Variants in SBF2 observed in about 807,000 individuals in gnomAD.
SBF2 encodes SET binding factor 2.
In SBF2, 112 loss-of-function variants were observed where a neutral mutation model predicts 225.2. That is an observed-to-expected ratio of 0.50 (90% confidence interval 0.43 to 0.58). The LOEUF is 0.58. SBF2 is among the 20% of genes least tolerant of loss of function. SBF2 has a pLI of 0.00. For missense variants in SBF2, 1,996 were observed against 2,206.2 expected (o/e 0.90, Z 1.91); for synonymous variants, 763 against 773.3 (o/e 0.99, Z 0.22).
chr11:10,094,775 G>T (rs1418088251), intron 2 of SBF2, among the ~76,000 whole-genome samples: 1 of 151,720 alleles, frequency 6.6e-6, no homozygotes, highest in Non-Finnish European at 1.5e-5. Context: ...AAAGTGCTGG[G>T]ATTATAGGCA....
At chr11:9,957,986 C>T (rs979525105) in intron 16 of SBF2, 1 of 151,930 alleles carries the variant, frequency 6.6e-6, no homozygotes. Flanking sequence ...CTCCTAATCC[C>T]TACTTTTGTA....
chr11:10,268,779 T>C (rs1962222730), intron 1 of SBF2, among the ~76,000 whole-genome samples: 2 of 152,214 alleles, frequency 1.3e-5, no homozygotes, highest in Non-Finnish European at 2.9e-5. Flanking sequence ...TTTTTCAGTC[T>C]AAAAAAATTA....
chr11:9,803,859 A>C (rs900787759), intron 32 of SBF2, among the ~76,000 whole-genome samples: 7 of 151,418 alleles, frequency 4.6e-5, no homozygotes, highest in Admixed American at 3.3e-4. Flanking sequence ...TGGAAAATAG[A>C]AGGAAGAATA....
At chr11:9,840,799 AG>A (rs1856078504) in intron 25 of SBF2, among the ~76,000 whole-genome samples, 2 of 152,172 alleles carry the variant, frequency 1.3e-5, no homozygotes, top group African/African-American at 4.8e-5. Flanking sequence ...TTTTTGTTAG[AG>A]GATGTGGTGT....
At position 9,873,815 on chromosome 11, in the gene SBF2, G is replaced by A. The variant is rs774342182; in HGVS notation, c.1930-15419C>T. Reference sequence around the variant, plus strand: ...TGTAATCCCAGCACTTTGGGAGGCCGAGGCGGGTGGATCACCTGAGGTCAG... The same window carrying A: ...TGTAATCCCAGCACTTTGGGAGGCCAAGGCGGGTGGATCACCTGAGGTCAG... On this transcript the variant is annotated intron_variant, in intron 17 of 39. Coordinates refer to ENST00000256190, the MANE Select transcript of SBF2 (RefSeq NM_030962.4). 3.3e-5 allele frequency among the ~76,000 whole-genome samples: 5 copies of A among 152,294 alleles called. No homozygotes were observed. In the East Asian group the frequency reaches 5.8e-4, roughly 18 times the overall value.
chr11:10,257,213 G>A (rs1960936246), intron 1 of SBF2, among the ~76,000 whole-genome samples: 1 of 152,122 alleles, frequency 6.6e-6, no homozygotes, highest in South Asian at 2.1e-4. Context: ...TACTGTCAAT[G>A]ACTGCAAAGT....
chr11:10,072,436 T>C (rs992527023), intron 2 of SBF2, among the ~76,000 whole-genome samples: 1 of 152,214 alleles, frequency 6.6e-6, no homozygotes, highest in African/African-American at 2.4e-5. Flanking sequence ...AGAAATCTTA[T>C]GTATAATGAC....
At chr11:10,206,197 G>A (rs562239020) in intron 1 of SBF2, among the ~76,000 whole-genome samples, 12 of 151,090 alleles carry the variant, frequency 7.9e-5, no homozygotes, top group African/African-American at 2.9e-4. Context: ...CTCAGCCTGG[G>A]GAATGATTTC....
chr11:9,839,596 C>T lies in SBF2; in HGVS notation c.3357G>A (p.Gln1119=), dbSNP rs1855967729. ...CACTTATGGTTCCTAAACCTAAACG[C>T]TGATAGTCTCTGAAACAAGCTTTTT... ...LVEKACFRDY[Q]RLGLGTISGS... is the part of the protein sequence containing the mutation. The change falls in exon 26 of 40, where the codon CAG becomes CAA. Residue 1119 remains glutamine, a synonymous_variant. Coordinates refer to ENST00000256190, the MANE Select transcript of SBF2 (RefSeq NM_030962.4). 1.2e-6 allele frequency: 2 copies of T among 1,614,128 alleles called. No individual in the cohort carries two copies. The highest frequency in any genetic ancestry group is 1.6e-4 in the Middle Eastern group (1 of 6,062).
chr11:10,060,120 C>A (rs1300006054), intron 2 of SBF2, among the ~76,000 whole-genome samples: 1 of 151,846 alleles, frequency 6.6e-6, no homozygotes, highest in Non-Finnish European at 1.5e-5. Context: ...ATTAATAAAA[C>A]AGGCCAATAG....
At chr11:10,151,150 A>G (rs1955165914) in intron 2 of SBF2, among the ~76,000 whole-genome samples, 1 of 152,230 alleles carries the variant, frequency 6.6e-6, no homozygotes, top group South Asian at 2.1e-4. Context: ...CAGGGACGCA[A>G]TAACATTTGA....
chr11:9,962,101 A>T lies in SBF2; in HGVS notation c.1716T>A (p.Leu572=), dbSNP rs1275159306. The T allele has an allele frequency of 6.2e-7, 1 of 1,614,134 alleles. No individual in the cohort carries two copies. The highest frequency in any genetic ancestry group is 8.5e-7 in the Non-Finnish European group (1 of 1,179,998). ...CTTTAAGGGCTCTGAGTGCAGCAGG[A>T]AGGGTCTGAGGACAAGAGAGGTACA... The part of the protein sequence containing the change: ...ENKILETEKT[L]PAALRALKGK... Residue 572 remains leucine (L), a synonymous_variant, in exon 16 of 40, where the codon CTT becomes CTA. Coordinates refer to ENST00000256190, the MANE Select transcript of SBF2 (RefSeq NM_030962.4).
chr11:9,926,261 T>C (rs542831496), intron 16 of SBF2, among the ~76,000 whole-genome samples: 35 of 152,324 alleles, frequency 2.3e-4, no homozygotes, highest in African/African-American at 7.9e-4. Flanking sequence ...TGTTAGAAAC[T>C]TGCAAACCTT....
intron 2 of SBF2, among the ~76,000 whole-genome samples, chr11:10,130,678 T>C (rs1953999706): frequency 6.6e-6 from 1 of 152,198 alleles, no homozygotes; most frequent in Non-Finnish European, 1.5e-5. Flanking sequence ...TGCTACACTT[T>C]TATAGTTTCA....
At chr11:10,151,428 A>C (rs1955184375) in intron 2 of SBF2, among the ~76,000 whole-genome samples, 2 of 152,204 alleles carry the variant, frequency 1.3e-5, no homozygotes, top group African/African-American at 4.8e-5. Context: ...AAATGGTAAA[A>C]GTGGTATTCA....
At chr11:10,176,783 T>A (rs1222583968) in intron 2 of SBF2, among the ~76,000 whole-genome samples, 4 of 152,096 alleles carry the variant, frequency 2.6e-5, no homozygotes, top group African/African-American at 9.7e-5. Flanking sequence ...CTGGTACCAA[T>A]CCCTCTGAAA....
At chr11:9,996,556 A>G (rs1321524767) in intron 9 of SBF2, among the ~76,000 whole-genome samples, 1 of 151,914 alleles carries the variant, frequency 6.6e-6, no homozygotes, top group East Asian at 1.9e-4. Context: ...CGCCCAGCTA[A>G]TTTTTGTATT....
intron 16 of SBF2, among the ~76,000 whole-genome samples, chr11:9,933,477 ATCAAATTAGAAC>A (rs1356872517): frequency 6.6e-6 from 1 of 152,244 alleles, no homozygotes; most frequent in Non-Finnish European, 1.5e-5. Flanking sequence ...CCACAGTGCA[ATCAAATTAGAAC>A]TCAAGATTAA....
intron 2 of SBF2, among the ~76,000 whole-genome samples, chr11:10,144,251 G>A (rs985361927): frequency 1.3e-5 from 2 of 152,162 alleles, no homozygotes; most frequent in Non-Finnish European, 2.9e-5. Context: ...ACTTTGGGAG[G>A]CAGAAGTGGG....
Sources: allele counts gnomAD v4.1 joint callset (sites outside exome capture counted in the v4.1 genomes callset), GRCh38; gene constraint gnomAD v4.1.1; transcripts MANE v1.5; gene names NCBI Gene and HGNC (gene_info 2026-07-23, HGNC 2026-07-21).